INTS4: variants seen among roughly 807,000 people sequenced by gnomAD.
INTS4 encodes the protein MSTP093.
Under a neutral mutation model 119.5 loss-of-function variants are expected in INTS4, and 70 were observed. The ratio of observed to expected loss-of-function variants is 0.59; its 90% CI spans 0.48 to 0.71. INTS4 has a LOEUF of 0.71. Among genes scored for constraint, INTS4 ranks in the 30% least tolerant of loss-of-function variants. INTS4 has a pLI of 0.00. For synonymous variants in INTS4, 316 were observed against 419.6 expected (o/e 0.75, Z 3.02); for missense variants, 867 against 1,173.2 (o/e 0.74, Z 3.81).
At chr11:77,930,521 A>T (rs1476445971) in intron 10 of INTS4, among the ~76,000 whole-genome samples, 1 of 152,234 alleles carries the variant, frequency 6.6e-6, no homozygotes, top group East Asian at 1.9e-4. Flanking sequence ...TAACCTTTGC[A>T]AGTCCACCAA....
At chr11:77,880,652 A>G (rs565208714) in intron 22 of INTS4, among the ~76,000 whole-genome samples, 1 of 152,280 alleles carries the variant, frequency 6.6e-6, no homozygotes, top group Admixed American at 6.5e-5. Flanking sequence ...TTGGCATAGC[A>G]CTTTCAAGAA....
chr11:77,959,006 G>A (rs1205315175), intron 6 of INTS4, among the ~76,000 whole-genome samples, 172 bp from the exon 7 acceptor site: 3 of 152,204 alleles, frequency 2.0e-5, no homozygotes, highest in Non-Finnish European at 4.4e-5. Flanking sequence ...TCTGTCAGCT[G>A]CTCTGGCTGT....
At chr11:77,964,878 A>C (rs931356512) in intron 4 of INTS4, among the ~76,000 whole-genome samples, 58 of 152,284 alleles carry the variant, frequency 3.8e-4, no homozygotes, top group Middle Eastern at 3.4e-3. Flanking sequence ...ACATAATCTC[A>C]AAGTATCTCT....
chr11:77,938,727 T>C lies in INTS4; in HGVS notation c.1089A>G (p.Val363=). Residue 363 remains valine (V), a synonymous_variant, in exon 10 of 23, where the codon GTA becomes GTG. Coordinates refer to ENST00000534064, the MANE Select transcript of INTS4 (RefSeq NM_033547.4). ...CAATCAAGTTCACAGCCCCGGTATC[T>C]ACTTCTTCCTTGGGAGCATCATCTC... ...KWGDDAPKEE[V]DTGAVNLIES... 1 of 1,612,030 alleles carries C rather than the reference T, an allele frequency of 6.2e-7. No homozygotes were observed. Among genetic ancestry groups the C allele is most frequent in the Non-Finnish European group, 8.5e-7 (1 of 1,179,864 alleles).
chr11:77,953,587 A>ATT lies in INTS4; in HGVS notation c.918+2353_918+2354dup, dbSNP rs71046929. Among the ~76,000 whole-genome samples the ATT allele has an allele frequency of 4.2e-3, 616 of 147,698 alleles. 4 individuals are homozygous for ATT. The highest frequency in any genetic ancestry group is 0.011 in the African/African-American group (462 of 40,362). Reference sequence around the variant, plus strand: ...AATTTTATCCCTTAAAAGTTAAACAATTTTTTTTTTTTTTGAGACAGGGTC... The same window carrying ATT: ...AATTTTATCCCTTAAAAGTTAAACAATTTTTTTTTTTTTTTTGAGACAGGGTC... On this transcript the variant is annotated intron_variant, in intron 8 of 22. Transcript: ENST00000534064.
rs529109168 is a variant in INTS4 at position 77,891,368 on chromosome 11, T to G, written c.2543A>C (p.Asp848Ala). ...ATCCTGCACATGCTCCAGGGTTGCA[T>G]CAACATCCAGGGCAACCACCAACCC... is the stretch of plus-strand genomic sequence containing the variant. ...TSGLVVALDV[D>A]ATLEHVQDPQ... Residue 848 changes from aspartate (D) to alanine (A), a missense_variant, in exon 21 of 23, where the codon GAT (aspartate) becomes GCT (alanine). By Grantham distance (126) the Asp-to-Ala change is moderately radical. Coordinates refer to ENST00000534064, the MANE Select transcript of INTS4 (RefSeq NM_033547.4). 3 of 1,611,484 alleles carry G rather than the reference T, an allele frequency of 1.9e-6. No homozygotes were observed. The African/African-American group carries it at 4.0e-5, about 21-fold the overall frequency.
intron 21 of INTS4, among the ~76,000 whole-genome samples, chr11:77,885,664 C>T (rs1951973787): frequency 6.6e-6 from 1 of 151,794 alleles, no homozygotes; most frequent in Admixed American, 6.6e-5. Flanking sequence ...ACTAAAAATA[C>T]AAAAATTAGC....
At chr11:77,888,709 A>G (rs1350896305) in intron 21 of INTS4, among the ~76,000 whole-genome samples, 2 of 152,210 alleles carry the variant, frequency 1.3e-5, no homozygotes, top group Non-Finnish European at 2.9e-5. Context: ...ATCTACAATG[A>G]ACTCAAACAA....
chr11:77,892,455 T>C (rs1203889455), intron 19 of INTS4, among the ~76,000 whole-genome samples: 5 of 152,210 alleles, frequency 3.3e-5, no homozygotes. Context: ...TGAAGAACTT[T>C]GGGGATTCAG....
At chr11:77,903,917 C>T (rs1314671647) in intron 16 of INTS4, among the ~76,000 whole-genome samples, 1 of 152,182 alleles carries the variant, frequency 6.6e-6, no homozygotes, top group Non-Finnish European at 1.5e-5. Flanking sequence ...AATGCGCAGG[C>T]AAGCCAGCTT....
chr11:77,978,590 A>G (rs1856051533), intron 4 of INTS4: 1 of 152,712 alleles, frequency 6.5e-6, no homozygotes, highest in African/African-American at 2.4e-5. Context: ...AAACAAAACA[A>G]GTTTGGGGTC....
intron 21 of INTS4, among the ~76,000 whole-genome samples, chr11:77,886,954 T>C (rs1952041416): frequency 6.6e-6 from 1 of 151,344 alleles, no homozygotes; most frequent in African/African-American, 2.4e-5. Flanking sequence ...AAGCAGTGTG[T>C]AGAGGGAAAT....
intron 10 of INTS4, among the ~76,000 whole-genome samples, chr11:77,928,945 C>CA (rs1341482780): frequency 6.6e-6 from 1 of 151,192 alleles, no homozygotes; most frequent in Non-Finnish European, 1.5e-5. Flanking sequence ...CACTTGTGCC[C>CA]AGGAGTTTGA....
intron 18 of INTS4, among the ~76,000 whole-genome samples, chr11:77,899,291 A>G (rs1287375061): frequency 1.3e-5 from 2 of 152,064 alleles, no homozygotes; most frequent in Non-Finnish European, 2.9e-5. Context: ...ATTAGGGTGC[A>G]TAACTTTCAA....
intron 4 of INTS4, among the ~76,000 whole-genome samples, chr11:77,971,976 C>T (rs908021199): frequency 1.3e-5 from 2 of 152,160 alleles, no homozygotes; most frequent in South Asian, 4.1e-4. Flanking sequence ...TCTTCTTTTA[C>T]ACGTGGATAG....
intron 4 of INTS4, among the ~76,000 whole-genome samples, chr11:77,965,466 G>A (rs1855462604): frequency 6.6e-6 from 1 of 152,050 alleles, no homozygotes; most frequent in Admixed American, 6.6e-5. Flanking sequence ...TATAACCTTT[G>A]ATCAGCAACT....
intron 8 of INTS4, among the ~76,000 whole-genome samples, chr11:77,947,893 G>C (rs957599951): frequency 2.6e-5 from 4 of 152,088 alleles, no homozygotes; most frequent in Non-Finnish European, 5.9e-5. Flanking sequence ...GCCCATGCTA[G>C]AGCATAGTGG....
rs376844616 is a variant in INTS4 at position 77,970,595 on chromosome 11, G to A, written c.471+8401C>T. Among the ~76,000 whole-genome samples, 6 of 152,052 alleles carry A rather than the reference G, an allele frequency of 3.9e-5. No individual in the cohort carries two copies. In the South Asian group the frequency reaches 6.2e-4, roughly 16 times the overall value. ...TGTAATCCTAGCACTTTGGGAGGCT[G>A]AGGCAGGCATATCTCTTGAGCTCAG... On this transcript the variant is annotated intron_variant, in intron 4 of 22. Transcript: ENST00000534064.
chr11:77,891,311 C>T lies in INTS4; in HGVS notation c.2592+8G>A, dbSNP rs966715870. 2.5e-6 allele frequency: 4 copies of T among 1,608,472 alleles called. No homozygotes were observed. Among genetic ancestry groups the T allele is most frequent in the African/African-American group, 1.3e-5 (1 of 74,732 alleles). ...TAGAAGCTCCATGAGGACCCAAACC[C>T]GACAGACCTGGACCTTAACAGTGTT... On this transcript the variant is annotated splice_region_variant and intron_variant, in intron 21 of 22. Coordinates refer to ENST00000534064, the MANE Select transcript of INTS4 (RefSeq NM_033547.4).
Sources: allele counts gnomAD v4.1 joint callset (sites outside exome capture counted in the v4.1 genomes callset), GRCh38; gene constraint gnomAD v4.1.1; transcripts MANE v1.5; gene names NCBI Gene and HGNC (gene_info 2026-07-23, HGNC 2026-07-21).